The following GABRG3 variants were observed in gnomAD, a reference collection of about 807,000 sequenced individuals.
GABRG3 encodes the protein gamma-aminobutyric acid receptor subunit gamma-3.
Under a neutral mutation model 48.8 loss-of-function variants are expected in GABRG3, and 25 were observed. The ratio of observed to expected loss-of-function variants is 0.51; its 90% confidence interval spans 0.37 to 0.72. The LOEUF is 0.72. Among genes scored for constraint, GABRG3 ranks in the 30% least tolerant of loss-of-function variants. The pLI, the probability that GABRG3 is intolerant of heterozygous loss-of-function variation, is 0.00. For synonymous variants in GABRG3, 227 were observed against 217.6 expected (o/e 1.04, Z -0.38); for missense variants, 394 against 577.9 (o/e 0.68, Z 3.26).
At chr15:27,369,666 A>G (rs9286390) in intron 5 of GABRG3, among the ~76,000 whole-genome samples, 46,732 of 151,416 alleles carry the variant, frequency 0.31, 9,592 homozygotes, top group African/African-American at 0.59. Context: ...AATTAACCAG[A>G]CGTGGTAGCG....
At chr15:27,124,401 C>A (rs1897782437) in intron 3 of GABRG3, among the ~76,000 whole-genome samples, 1 of 152,184 alleles carries the variant, frequency 6.6e-6, no homozygotes. Context: ...TGCTGCTGGG[C>A]TCTCTGTCCA....
intron 3 of GABRG3, among the ~76,000 whole-genome samples, chr15:27,285,254 G>GGTGTGT (rs60880658): frequency 8.6e-4 from 123 of 142,556 alleles, no homozygotes; most frequent in Middle Eastern, 3.6e-3. Context: ...TGAGCTTTCA[G>GGTGTGT]GTGTGTGTGT....
chr15:26,985,899 A>G (rs1226959163), intron 2 of GABRG3, among the ~76,000 whole-genome samples: 2 of 152,262 alleles, frequency 1.3e-5, no homozygotes, highest in African/African-American at 4.8e-5. Context: ...CCAAAGGAGT[A>G]AAGTACAAAT....
chr15:27,247,337 C>T (rs965703962), intron 3 of GABRG3, among the ~76,000 whole-genome samples: 4 of 152,112 alleles, frequency 2.6e-5, no homozygotes, highest in Non-Finnish European at 5.9e-5. Flanking sequence ...TCTTCCAGCC[C>T]CAGCTCTGCA....
intron 3 of GABRG3, among the ~76,000 whole-genome samples, chr15:27,211,480 T>C (rs1444081751): frequency 6.6e-6 from 1 of 152,248 alleles, no homozygotes; most frequent in Admixed American, 6.5e-5. Context: ...CAGATACAGT[T>C]TTTAAAAATG....
rs190113574 is a variant in GABRG3 at position 27,237,041 on chromosome 15, G to A, written c.271-89768G>A. 1.2e-3 allele frequency among the ~76,000 whole-genome samples: 177 copies of A among 152,320 alleles called. 1 individual carries two copies. The highest frequency in any genetic ancestry group is 4.0e-3 in the African/African-American group (167 of 41,578). On this transcript the variant is annotated intron_variant, in intron 3 of 9. Transcript: ENST00000615808. ...AATGGATCGACCTTGCGATTCTTCAGTTGACACTCATTTGACGCACTCTGA... is the reference window on the plus strand; with the variant it reads ...AATGGATCGACCTTGCGATTCTTCAATTGACACTCATTTGACGCACTCTGA...
At chr15:27,469,630 C>G (rs187568344) in intron 5 of GABRG3, among the ~76,000 whole-genome samples, 2 of 152,130 alleles carry the variant, frequency 1.3e-5, no homozygotes, top group Admixed American at 1.3e-4. Context: ...CGTGAGCCAC[C>G]GCGCCTGGCC....
rs532818225 is a variant in GABRG3 at position 27,442,328 on chromosome 15, C to T, written c.575-38322C>T. On this transcript the variant is annotated intron_variant, in intron 5 of 9. Coordinates refer to ENST00000615808, the MANE Select transcript of GABRG3 (RefSeq NM_033223.5). ...CTGAGAGCTCCACAAGAGGGATGCA[C>T]TCCATACCCACAGCCTCAGGAAGAT... Among the ~76,000 whole-genome samples, 128 of 152,356 alleles carry T rather than the reference C, an allele frequency of 8.4e-4. 1 individual carries two copies. The highest frequency in any genetic ancestry group is 3.1e-3 in the African/African-American group (127 of 41,588).
At position 27,043,598 on chromosome 15, in the gene GABRG3, G is replaced by T. The variant is rs150764865; in HGVS notation, c.270+16777G>T. ...TGCTTCCTTCCGCCCTTTTCTGCCC[G>T]CAGAGCCCCCTCCTCTGCTCAGCTC... On this transcript the variant is annotated intron_variant, in intron 3 of 9. Coordinates refer to ENST00000615808, the MANE Select transcript of GABRG3 (RefSeq NM_033223.5). Among the ~76,000 whole-genome samples, 10 of 152,240 alleles carry T rather than the reference G, an allele frequency of 6.6e-5. No individual in the cohort carries two copies. In the East Asian group the frequency reaches 1.9e-3, roughly 29 times the overall value.
intron 5 of GABRG3, among the ~76,000 whole-genome samples, chr15:27,369,232 A>G (rs1176428068): frequency 6.6e-6 from 1 of 152,218 alleles, no homozygotes; most frequent in African/African-American, 2.4e-5. Flanking sequence ...AAAGTTCTAG[A>G]TAATGCAAGT....
intron 5 of GABRG3, among the ~76,000 whole-genome samples, chr15:27,388,573 G>A (rs553979256): frequency 2.6e-5 from 4 of 152,072 alleles, no homozygotes; most frequent in Non-Finnish European, 4.4e-5. Context: ...CCACAGAATC[G>A]GTCCTTGGCA....
chr15:27,001,813 T>C (rs1231500173), intron 2 of GABRG3, among the ~76,000 whole-genome samples: 1 of 151,758 alleles, frequency 6.6e-6, no homozygotes, highest in Non-Finnish European at 1.5e-5. Flanking sequence ...TCTGGATTAA[T>C]CAATTGACCA....
At chr15:27,016,766 G>A (rs1268110390) in intron 2 of GABRG3, among the ~76,000 whole-genome samples, 2 of 151,832 alleles carry the variant, frequency 1.3e-5, no homozygotes, top group African/African-American at 4.8e-5. Context: ...AGTCCCTTAG[G>A]CTCTCTCTGC....
intron 5 of GABRG3, among the ~76,000 whole-genome samples, chr15:27,341,474 A>G (rs1204083807): frequency 1.3e-5 from 2 of 152,208 alleles, no homozygotes; most frequent in East Asian, 3.9e-4. Flanking sequence ...GGCCTGCAGG[A>G]AGCTCCGTGC....
chr15:27,517,990 C>A (rs76194076), intron 6 of GABRG3, among the ~76,000 whole-genome samples: 11,179 of 151,930 alleles, frequency 0.074, 1,392 homozygotes, highest in African/African-American at 0.26. Context: ...GCAAAAAATT[C>A]TAATTTATTG....
At chr15:27,346,151 A>G (rs1249044760) in intron 5 of GABRG3, among the ~76,000 whole-genome samples, 5 of 151,872 alleles carry the variant, frequency 3.3e-5, no homozygotes, top group Non-Finnish European at 7.4e-5. Context: ...GAAAGAAGGA[A>G]AAAGAAATTC....
intron 3 of GABRG3, among the ~76,000 whole-genome samples, chr15:27,298,511 A>G (rs1258017125): frequency 6.6e-6 from 1 of 152,104 alleles, no homozygotes; most frequent in Non-Finnish European, 1.5e-5. Context: ...TTCGTTGGGT[A>G]CTCAGTAAAT....
intron 3 of GABRG3, among the ~76,000 whole-genome samples, chr15:27,273,285 G>C (rs17137744): frequency 6.6e-6 from 1 of 152,128 alleles, no homozygotes; most frequent in South Asian, 2.1e-4. Flanking sequence ...TTGTCAATAA[G>C]GTTCAGGCTA....
chr15:27,083,119 T>C (rs1171232600), intron 3 of GABRG3, among the ~76,000 whole-genome samples: 1 of 152,222 alleles, frequency 6.6e-6, no homozygotes, highest in Admixed American at 6.5e-5. Flanking sequence ...AGTGATAACT[T>C]ACAAGCTCTA....
Sources: allele counts gnomAD v4.1 joint callset (sites outside exome capture counted in the v4.1 genomes callset), GRCh38; gene constraint gnomAD v4.1.1; transcripts MANE v1.5; gene names NCBI Gene and HGNC (gene_info 2026-07-23, HGNC 2026-07-21).